FH: variants seen among roughly 807,000 people sequenced by gnomAD.
FH encodes the protein fumarate hydratase.
A neutral mutation model predicts 49.4 loss-of-function variants in FH; 22 were observed. That is an observed-to-expected ratio of 0.45 (90% CI 0.32 to 0.64). FH has a LOEUF of 0.64. Ranked by LOEUF, FH falls within the 30% of genes least tolerant of loss-of-function variation. FH has a pLI of 0.05. For missense variants in FH, 526 were observed against 641.5 expected, an observed-to-expected ratio of 0.82 and a Z score of 1.95; for synonymous variants, 208 against 223.0, an observed-to-expected ratio of 0.93 and a Z score of 0.60.
chr1:241,519,745 A>AAGG lies in FH; in HGVS notation c.-24_-23insCCT. 1 of 1,519,668 alleles carries AAGG rather than the reference A, an allele frequency of 6.6e-7. No homozygotes were observed. The highest frequency in any genetic ancestry group is 8.9e-7 in the Non-Finnish European group (1 of 1,128,386). 94.1% of individuals were successfully genotyped at this position (1,519,668 alleles called of 1,614,324 possible). A position where few individuals can be genotyped will look rare whatever the true frequency, so the allele number is the denominator to read the frequency against. On this transcript the variant is annotated 5_prime_UTR_variant, in exon 1 of 10. Transcript: ENST00000366560. ...CATGGTGCTGAGGGAGCTTGGGTAG[A>AAGG]ATTTCTGGGCGGCTGTGGCCACGCC...
intron 9 of FH, among the ~76,000 whole-genome samples, chr1:241,498,795 C>T (rs1053562477): frequency 5.8e-5 from 7 of 120,078 alleles, no homozygotes; most frequent in Non-Finnish European, 8.6e-5. Context: ...AGAAAAAAAA[C>T]AAGATCAGAG....
intron 7 of FH, 56 bp from the exon 8 acceptor site, chr1:241,502,626 A>C (rs753489352): frequency 1.7e-5 from 27 of 1,580,224 alleles, no homozygotes; most frequent in Non-Finnish European, 2.3e-5. Context: ...AATAATCAGG[A>C]GAATAAAGAA....
In FH at chr1:241,517,300, A is replaced by G. The variant is rs2147925286; in HGVS notation, c.149T>C (p.Phe50Ser). The change falls in exon 2 of 10, where the codon TTC becomes TCC. Residue 50 changes from phenylalanine (F) to serine (S), a missense_variant. Physicochemically the swap from Phe to Ser is radical, Grantham distance 155 (BLOSUM62 -2). Around this residue, in one of 2 missense-constraint regions of FH, gnomAD observed 143 missense variants for 127.5 expected, o/e 1.12. Coordinates refer to ENST00000366560, the MANE Select transcript of FH (RefSeq NM_000143.4). ...NAARMASQNS[F>S]RIEYDTFGEL... ...ACCAAAGGTATCATATTCTATCCGG[A>G]AGGAATTTTGGCTTGCCTAAAGACA... 1 of 1,614,124 alleles carries G rather than the reference A, an allele frequency of 6.2e-7. No individual in the cohort carries two copies. Among genetic ancestry groups the G allele is most frequent in the Non-Finnish European group, 8.5e-7 (1 of 1,180,032 alleles).
chr1:241,508,908 C>A (rs1660003572), intron 4 of FH, 123 bp from the exon 5 acceptor site: 2 of 741,662 alleles, frequency 2.7e-6, no homozygotes, highest in Admixed American at 4.9e-5. Context: ...AGCTCAGTTA[C>A]ATGTATGTGT....
At chr1:241,504,517 C>G (rs1276803880) in intron 6 of FH, among the ~76,000 whole-genome samples, 3 of 152,062 alleles carry the variant, frequency 2.0e-5, no homozygotes, top group Non-Finnish European at 4.4e-5. Flanking sequence ...TCACAGCTCA[C>G]TGTAGCCTCA....
In FH at chr1:241,500,615, G is replaced by GAGAGAA. The variant is rs1299247134; in HGVS notation, c.1237-26_1237-25insTTCTCT. 4.4e-6 allele frequency: 7 copies of GAGAGAA among 1,605,768 alleles called. No individual in the cohort carries two copies. The African/African-American group carries it at 9.4e-5, about 22-fold the overall frequency. On this transcript the variant is annotated intron_variant, in intron 8 of 9. Coordinates refer to ENST00000366560, the MANE Select transcript of FH (RefSeq NM_000143.4). ...TCTTTGAGTGAGTGAGAGAGAGAGA[G>GAGAGAA]AGAGAGAGAGAGAGAGAGAGAGAGA...
At chr1:241,510,719 G>C (rs779623714) in intron 4 of FH, among the ~76,000 whole-genome samples, 3 of 152,138 alleles carry the variant, frequency 2.0e-5, no homozygotes, top group Non-Finnish European at 4.4e-5. Flanking sequence ...AATTACTACA[G>C]TGATTTTAAT....
intron 2 of FH, 125 bp downstream of exon 2, chr1:241,517,057 C>G (rs534271790): frequency 8.6e-7 from 1 of 1,167,906 alleles, no homozygotes; most frequent in South Asian, 1.3e-5. Flanking sequence ...CCTCTTATTA[C>G]TCACGAAGCC....
chr1:241,500,639 G>GAC (rs1553340745), intron 8 of FH, 49 bp from the exon 9 acceptor site: 5 of 1,582,092 alleles, frequency 3.2e-6, no homozygotes, highest in Admixed American at 1.7e-5. Context: ...GAGAGAGAGA[G>GAC]ACATTACTAA....
intron 1 of FH, among the ~76,000 whole-genome samples, chr1:241,518,372 A>G (rs542068329): frequency 6.6e-6 from 1 of 152,354 alleles, no homozygotes; most frequent in Admixed American, 6.5e-5. Context: ...TTTACAAAAC[A>G]CTAAATAAAC....
intron 9 of FH, among the ~76,000 whole-genome samples, chr1:241,498,315 T>C (rs909458237): frequency 6.6e-6 from 1 of 152,098 alleles, no homozygotes; most frequent in Non-Finnish European, 1.5e-5. Context: ...AAACAACATG[T>C]TTAACTAGAA....
Position 241,505,409 on chromosome 1 carries a change from T to C in FH, c.904+594A>G, listed in dbSNP as rs528603220. Among the ~76,000 whole-genome samples the C allele has an allele frequency of 9.2e-5, 14 of 152,292 alleles. No individual in the cohort carries two copies. The East Asian group carries it at 2.7e-3, about 29-fold the overall frequency. ...AGAGTTCTTTTCTATTAAAATATGG[T>C]TTAAAGACAAATCAGCTGGTAAGCT... is the stretch of plus-strand genomic sequence containing the variant. On this transcript the variant is annotated intron_variant, in intron 6 of 9. Transcript: ENST00000366560.
chr1:241,508,667 A>G lies in FH; in HGVS notation c.674T>C (p.Phe225Ser), dbSNP rs149651434. ...ACGTCCAATCTTGATGATCTGTGCA[A>G]ACTCTTTGGATTTTGCATCAAGAGC... ...HDALDAKSKE[F>S]AQIIKIGRTH... The change falls in exon 5 of 10, where the codon TTT (phenylalanine) becomes TCT (serine). Residue 225 changes from phenylalanine (F) to serine (S), a missense_variant. This residue lies in a region of FH where 383 missense variants were observed against 514.0 expected (regional missense o/e 0.75). Coordinates refer to ENST00000366560, the MANE Select transcript of FH (RefSeq NM_000143.4). 20 of 1,613,880 alleles carry G rather than the reference A, an allele frequency of 1.2e-5. No individual in the cohort carries two copies. Among genetic ancestry groups the G allele is most frequent in the Non-Finnish European group, 1.7e-5 (20 of 1,179,772 alleles).
intron 9 of FH, among the ~76,000 whole-genome samples, chr1:241,499,372 G>C (rs1203379144): frequency 6.6e-6 from 1 of 152,158 alleles, no homozygotes; most frequent in African/African-American, 2.4e-5. Flanking sequence ...AACACATTCT[G>C]AAGTAAAGAT....
chr1:241,501,277 T>C (rs1444983834), intron 8 of FH, among the ~76,000 whole-genome samples: 2 of 152,216 alleles, frequency 1.3e-5, no homozygotes, highest in African/African-American at 4.8e-5. Context: ...CTTCCAACAA[T>C]GGACTCTAAG....
At chr1:241,499,270 T>C (rs1422213463) in intron 9 of FH, among the ~76,000 whole-genome samples, 1 of 152,172 alleles carries the variant, frequency 6.6e-6, no homozygotes. Flanking sequence ...ATATGGCCTC[T>C]AACAATTCTT....
At position 241,505,053 on chromosome 1, in the gene FH, C is replaced by T. The variant is rs541248383; in HGVS notation, c.905-808G>A. ...CCTCCCAAGTAGCTGGGGTTACAGGCGCCCGCCACCATGCCCGGCTAATTT... is the reference window on the plus strand; with the variant it reads ...CCTCCCAAGTAGCTGGGGTTACAGGTGCCCGCCACCATGCCCGGCTAATTT... On this transcript the variant is annotated intron_variant, in intron 6 of 9. Transcript: ENST00000366560. Among the ~76,000 whole-genome samples, 15 of 151,518 alleles carry T rather than the reference C, an allele frequency of 9.9e-5. No homozygotes were observed. In the South Asian group the frequency reaches 2.5e-3, roughly 25 times the overall value.
rs1399646535 is a variant in FH, at chr1:241,500,434, T to TA, written c.1390+2dup. 2 of 1,613,496 alleles carry TA rather than the reference T, an allele frequency of 1.2e-6. No individual in the cohort carries two copies. Among genetic ancestry groups the TA allele is most frequent in the Admixed American group, 1.7e-5 (1 of 59,998 alleles). ...ATGATATTATTATTCCTTAAACACT[T>TA]ACCTATATGAGGATTGAGAGCTGTC... is the stretch of plus-strand genomic sequence containing the variant. On this transcript the variant is annotated splice_region_variant and intron_variant, in intron 9 of 9. Transcript: ENST00000366560.
chr1:241,507,434 A>G (rs1383069818), intron 5 of FH, among the ~76,000 whole-genome samples: 1 of 152,204 alleles, frequency 6.6e-6, no homozygotes, highest in Non-Finnish European at 1.5e-5. Context: ...GTATACACAC[A>G]CACACAAACA....
Sources: gnomAD v4.1 joint callset for allele counts (sites outside exome capture counted in the v4.1 genomes callset) on GRCh38, gnomAD v4.1.1 for gene constraint, gnomAD v4.1.1 regional missense constraint, MANE v1.5 for transcripts, NCBI Gene and HGNC (gene_info 2026-07-23, HGNC 2026-07-21) for gene names.